C20orf96: variants seen among roughly 807,000 people sequenced by gnomAD.
The protein encoded by C20orf96 is uncharacterized protein C20orf96.
C20orf96 carries 57 observed loss-of-function variants against 52.6 expected under a neutral mutation model. The ratio of observed to expected loss-of-function variants is 1.08; its 90% CI spans 0.88 to 1.35. The LOEUF (loss-of-function observed/expected upper bound fraction) is 1.35. Among genes scored for constraint, C20orf96 ranks in the 40% most tolerant of loss-of-function variants. The pLI is 0.00. For missense variants in C20orf96, 478 were observed against 443.6 expected (o/e 1.08, Z -0.70); for synonymous variants, 168 against 157.2 (o/e 1.07, Z -0.51).
chr20:278,315 G>C lies in C20orf96; in HGVS notation c.565+15C>G. On this transcript the variant is annotated intron_variant, in intron 6 of 10. Transcript: ENST00000360321. Reference sequence around the variant, plus strand: ...GCCAGGGGGGAGGGTCAAGGAATTTGCCAGGGATTCTTACAGCTCATCTTG... The same window carrying C: ...GCCAGGGGGGAGGGTCAAGGAATTTCCCAGGGATTCTTACAGCTCATCTTG... 1 of 1,603,292 alleles carries C rather than the reference G, an allele frequency of 6.2e-7. No homozygotes were observed. Among genetic ancestry groups the C allele is most frequent in the Non-Finnish European group, 8.5e-7 (1 of 1,170,178 alleles).
intron 10 of C20orf96, among the ~76,000 whole-genome samples, chr20:274,629 G>A (rs1037824380): frequency 4.6e-5 from 7 of 151,622 alleles, no homozygotes; most frequent in East Asian, 1.9e-4. Context: ...TATTTATTAC[G>A]TCCCCCGGAG....
chr20:287,672 T>C (rs1042970823), intron 3 of C20orf96, among the ~76,000 whole-genome samples: 4 of 152,130 alleles, frequency 2.6e-5, no homozygotes, highest in African/African-American at 9.7e-5. Context: ...CTCTCACCTA[T>C]AATCCCAGCA....
At position 272,955 on chromosome 20, in the gene C20orf96, C is replaced by T. The variant is rs542894904; in HGVS notation, c.1032-1688G>A. Among the ~76,000 whole-genome samples, 7 of 152,318 alleles carry T rather than the reference C, an allele frequency of 4.6e-5. No homozygotes were observed. The East Asian group carries it at 7.7e-4, about 17-fold the overall frequency. On this transcript the variant is annotated intron_variant, in intron 10 of 10. Transcript: ENST00000360321. ...AGAATTCCAGCTGCCATTCTGGCTC[C>T]TTGCCAATCTCATCCCCATGCTCTT...
rs2011802502 is a variant in C20orf96, at chr20:270,887, G to C, written c.*320C>G. 2 of 343,490 alleles carry C rather than the reference G, an allele frequency of 5.8e-6. No individual in the cohort carries two copies. Among genetic ancestry groups the C allele is most frequent in the Non-Finnish European group, 5.3e-6 (1 of 187,644 alleles). The allele number at this position is 343,490 out of a possible 1,614,324, so 21.3% of individuals were successfully genotyped here. A position where few individuals can be genotyped will look rare whatever the true frequency, so the allele number is the denominator to read the frequency against. On this transcript the variant is annotated 3_prime_UTR_variant, in exon 11 of 11. Transcript: ENST00000360321. The stretch of plus-strand genomic sequence containing the variant: ...AGCAAATGTAAATCCAGCTTTATTG[G>C]TAAAAAAGGAATAGCAGATTTAATC...
At chr20:290,124 A>G in intron 2 of C20orf96, 135 bp downstream of exon 2, 1 of 666,974 alleles carries the variant, frequency 1.5e-6, no homozygotes. Context: ...CCCACAGCAA[A>G]GTGTGACCCG....
Position 288,271 on chromosome 20 carries a change from T to C in C20orf96, c.187+1288A>G, listed in dbSNP as rs944268197. 2.7e-5 allele frequency among the ~76,000 whole-genome samples: 4 copies of C among 148,848 alleles called. No individual in the cohort carries two copies. In the East Asian group the frequency reaches 8.4e-4, roughly 31 times the overall value. On this transcript the variant is annotated intron_variant, in intron 3 of 10. Transcript: ENST00000360321. ...TTCCTCCACTGAATTGTTTTTCCAC[T>C]TTCTGAAAAACCCATTGGGAATATT...
At chr20:286,111 C>T (rs2012378153) in intron 3 of C20orf96, among the ~76,000 whole-genome samples, 1 of 152,138 alleles carries the variant, frequency 6.6e-6, no homozygotes, top group African/African-American at 2.4e-5. Context: ...GGAAGATTTG[C>T]AGTTTTAATA....
intron 4 of C20orf96, 108 bp from the exon 5 acceptor site, chr20:279,438 G>A (rs2012190558): frequency 8.8e-6 from 11 of 1,243,106 alleles, no homozygotes; most frequent in East Asian, 3.1e-5. Context: ...CCGCCCCCGT[G>A]CGGCCTCCTG....
intron 5 of C20orf96, 113 bp from the exon 6 acceptor site, chr20:278,542 C>T: frequency 2.6e-6 from 2 of 773,602 alleles, no homozygotes; most frequent in South Asian, 2.8e-5. Flanking sequence ...AGAAACCTGA[C>T]CAGAGGCTAA....
At chr20:276,127 T>C (rs200251815) in intron 9 of C20orf96, 41 bp from the exon 10 acceptor site, 1 of 1,603,256 alleles carries the variant, frequency 6.2e-7, no homozygotes, top group Non-Finnish European at 8.5e-7. Flanking sequence ...GAGAGGCAAA[T>C]GGCCCCCAAC....
Position 278,279 on chromosome 20 carries a change from C to T in C20orf96, c.565+51G>A, listed in dbSNP as rs760049733. 8 of 1,381,828 alleles carry T rather than the reference C, an allele frequency of 5.8e-6. No homozygotes were observed. In the South Asian group the frequency reaches 8.1e-5, roughly 14 times the overall value. 85.6% of individuals were successfully genotyped at this position (1,381,828 alleles called of 1,614,324 possible). Reference sequence around the variant, plus strand: ...ACAAGGTGAATGCTCTGCTGCTGACCTCCCCAAGGTGCCAGGGGGGAGGGT... The same window carrying T: ...ACAAGGTGAATGCTCTGCTGCTGACTTCCCCAAGGTGCCAGGGGGGAGGGT... On this transcript the variant is annotated intron_variant, in intron 6 of 10. Coordinates refer to ENST00000360321, the MANE Select transcript of C20orf96 (RefSeq NM_153269.3).
Position 279,344 on chromosome 20 carries a change from G to A in C20orf96, c.307-14C>T, listed in dbSNP as rs1442257443. 6.3e-7 allele frequency: 1 copy of A among 1,599,490 alleles called. No homozygotes were observed. Among genetic ancestry groups the A allele is most frequent in the Admixed American group, 1.7e-5 (1 of 59,814 alleles). Reference sequence around the variant, plus strand: ...CCTGAGCGAGGTCTGCGGGCGGAGGGAAGAGCAGAGAGGCGGCGCTGCGCC... The same window carrying A: ...CCTGAGCGAGGTCTGCGGGCGGAGGAAAGAGCAGAGAGGCGGCGCTGCGCC... On this transcript the variant is annotated splice_polypyrimidine_tract_variant and intron_variant, in intron 4 of 10. Coordinates refer to ENST00000360321, the MANE Select transcript of C20orf96 (RefSeq NM_153269.3).
chr20:285,480 T>C (rs1411502198), intron 3 of C20orf96, among the ~76,000 whole-genome samples: 2 of 152,258 alleles, frequency 1.3e-5, no homozygotes, highest in African/African-American at 4.8e-5. Context: ...AAATTACCTG[T>C]ATATATCCGG....
intron 3 of C20orf96, among the ~76,000 whole-genome samples, chr20:284,444 A>G (rs1246245326): frequency 3.3e-5 from 5 of 152,222 alleles, no homozygotes; most frequent in Non-Finnish European, 5.9e-5. Context: ...CAGCAGAAAG[A>G]CCAGAGTCTG....
chr20:288,520 G>A (rs1431335384), intron 3 of C20orf96, among the ~76,000 whole-genome samples: 1 of 152,108 alleles, frequency 6.6e-6, no homozygotes, highest in Non-Finnish European at 1.5e-5. Flanking sequence ...ATTTCATGAA[G>A]TGTCATGAGG....
chr20:279,097 A>AGGGAGGGAGGGC, intron 5 of C20orf96, 75 bp downstream of exon 5: 3 of 745,046 alleles, frequency 4.0e-6, no homozygotes, highest in Non-Finnish European at 5.0e-6. Flanking sequence ...GGCGGGACGG[A>AGGGAGGGAGGGC]GGGACGGAGG....
rs1011898879 is a variant in C20orf96, at chr20:289,685, T to C, written c.70-9A>G. ...TGCCATGGAACATAATCCTACAAAA[T>C]ATACAATCAGTCACATAGCACCATG... is the stretch of plus-strand genomic sequence containing the variant. On this transcript the variant is annotated splice_polypyrimidine_tract_variant and intron_variant, in intron 2 of 10. Transcript: ENST00000360321. 6.2e-6 allele frequency: 10 copies of C among 1,600,844 alleles called. No homozygotes were observed. The South Asian group carries it at 7.7e-5, about 12-fold the overall frequency.
chr20:274,820 T>TA (rs34798735), intron 10 of C20orf96, among the ~76,000 whole-genome samples: 1 of 151,094 alleles, frequency 6.6e-6, no homozygotes, highest in Non-Finnish European at 1.5e-5. Context: ...TTTTTTTAAT[T>TA]AAAAAAAAAT....
chr20:271,356 T>G, intron 10 of C20orf96, 89 bp from the exon 11 acceptor site: 1 of 1,078,752 alleles, frequency 9.3e-7, no homozygotes, highest in Non-Finnish European at 1.3e-6. Context: ...TTTAGAACTC[T>G]GGTACGTACT....
Sources: allele counts gnomAD v4.1 joint callset (sites outside exome capture counted in the v4.1 genomes callset), GRCh38; gene constraint gnomAD v4.1.1; transcripts MANE v1.5; gene names NCBI Gene and HGNC (gene_info 2026-07-23, HGNC 2026-07-21).